TPTE2: variants seen among roughly 807,000 people sequenced by gnomAD.
TPTE2 encodes transmembrane phosphoinositide 3-phosphatase and tensin homolog 2, also known as phosphatidylinositol 3,4,5-trisphosphate 3-phosphatase TPTE2.
A neutral mutation model predicts 78.6 loss-of-function variants in TPTE2; 53 were observed. The observed-to-expected ratio is 0.67, with a 90% confidence interval of 0.54 to 0.85. The LOEUF is 0.85. Ranked by LOEUF, TPTE2 falls within the 40% of genes least tolerant of loss-of-function variation. TPTE2 has a pLI of 0.00. For synonymous variants in TPTE2, 175 were observed against 206.2 expected (o/e 0.85, Z 1.30); for missense variants, 461 against 623.0 (o/e 0.74, Z 2.77).
chr13:19,475,258 C>G (rs1879865681), intron 5 of TPTE2, among the ~76,000 whole-genome samples: 1 of 150,236 alleles, frequency 6.7e-6, no homozygotes, highest in South Asian at 2.1e-4. Flanking sequence ...TGGAGTCTTG[C>G]TGTGTCGCCA....
chr13:19,514,638 TGA>T (rs372029297), intron 1 of TPTE2, among the ~76,000 whole-genome samples: 3 of 149,306 alleles, frequency 2.0e-5, no homozygotes, highest in Non-Finnish European at 3.0e-5. Context: ...TGTCTGTGTG[TGA>T]GAGAGAGAGA....
intron 5 of TPTE2, among the ~76,000 whole-genome samples, chr13:19,474,669 G>A (rs1422346847): frequency 6.6e-6 from 1 of 152,176 alleles, no homozygotes; most frequent in Non-Finnish European, 1.5e-5. Flanking sequence ...GCCACTTGCT[G>A]TTACATATTC....
At chr13:19,561,179 C>G in the TPTE2 span, 4 of 1,566,250 alleles carry the variant, frequency 2.6e-6, no homozygotes, top group South Asian at 2.3e-5. Context: ...TCTCTGTCTC[C>G]GAGGAGCCCT....
intron 17 of TPTE2, among the ~76,000 whole-genome samples, chr13:19,428,450 G>GA (rs1006670472): frequency 1.3e-5 from 2 of 150,974 alleles, no homozygotes; most frequent in Non-Finnish European, 3.0e-5. Flanking sequence ...CTCCATCTCA[G>GA]AAAAAAAAGA....
At chr13:19,544,767 A>C in the TPTE2 span, among the ~76,000 whole-genome samples, 3 of 152,136 alleles carry the variant, frequency 2.0e-5, no homozygotes, top group Non-Finnish European at 4.4e-5. Context: ...GCATGGTGGC[A>C]TGCGCCTGTC....
chr13:19,454,226 C>T lies in TPTE2; in HGVS notation c.742-3001G>A, dbSNP rs542859684. Among the ~76,000 whole-genome samples the T allele has an allele frequency of 3.9e-5, 6 of 152,272 alleles. No homozygotes were observed. In the South Asian group the frequency reaches 1.2e-3, roughly 32 times the overall value. ...TTGTAATGTCTGCTTTGCTCATTCG[C>T]TGTTGTTCAAAATGTAACCCTGCAA... On this transcript the variant is annotated intron_variant, in intron 10 of 19. Coordinates refer to ENST00000400230, the Ensembl canonical transcript of TPTE2.
chr13:19,435,493 T>C (rs1240179954), intron 15 of TPTE2, among the ~76,000 whole-genome samples: 2 of 152,208 alleles, frequency 1.3e-5, no homozygotes, highest in South Asian at 2.1e-4. Context: ...CCGGCTGAAA[T>C]GACTGTTGCA....
At chr13:19,462,312 C>T (rs1191262923) in intron 10 of TPTE2, among the ~76,000 whole-genome samples, 2 of 151,938 alleles carry the variant, frequency 1.3e-5, no homozygotes, top group African/African-American at 2.4e-5. Flanking sequence ...TCAGTTTTTG[C>T]TTGTCTAGGA....
intron 11 of TPTE2, among the ~76,000 whole-genome samples, 160 bp from the exon 15 acceptor site, chr13:19,450,504 A>G (rs915152027): frequency 6.6e-5 from 10 of 152,228 alleles, no homozygotes; most frequent in Non-Finnish European, 1.3e-4. Context: ...AAGCATTTCA[A>G]AAACGTAAGG....
At chr13:19,493,544 T>C in intron 1 of TPTE2, 43 bp from the exon 5 acceptor site, 1 of 1,592,482 alleles carries the variant, frequency 6.3e-7, no homozygotes, top group Non-Finnish European at 8.6e-7. Flanking sequence ...GAGACATAAT[T>C]CTGAATTTAT....
rs774235153 is a variant in TPTE2 at position 19,438,167 on chromosome 13, G to A, written c.974-14C>T. 8.7e-6 allele frequency: 14 copies of A among 1,606,720 alleles called. No individual in the cohort carries two copies. In the East Asian group the frequency reaches 1.8e-4, roughly 21 times the overall value. On this transcript the variant is annotated splice_polypyrimidine_tract_variant and intron_variant, in intron 13 of 19. Coordinates refer to ENST00000400230, the Ensembl canonical transcript of TPTE2. ...TCCCGGTTCTTCCTAGAAAAGAAAA[G>A]AAGTTAGTTCAAGAACATACATGGT... is the stretch of plus-strand genomic sequence containing the variant.
At chr13:19,557,948 G>A in the TPTE2 span, among the ~76,000 whole-genome samples, 263 of 151,992 alleles carry the variant, frequency 1.7e-3, no homozygotes, top group African/African-American at 6.1e-3. Context: ...AAATCTTAAG[G>A]CAGAAGTAAA....
At chr13:19,495,656 G>T (rs1041852621) in intron 1 of TPTE2, among the ~76,000 whole-genome samples, 13 of 152,180 alleles carry the variant, frequency 8.5e-5, no homozygotes, top group African/African-American at 3.1e-4. Context: ...GTATGTGTTT[G>T]TATATGCATA....
chr13:19,427,995 T>C (rs1470448646), intron 17 of TPTE2, among the ~76,000 whole-genome samples: 1 of 152,216 alleles, frequency 6.6e-6, no homozygotes, highest in African/African-American at 2.4e-5. Context: ...TGTTATGTAC[T>C]ACTGGGGGCT....
At chr13:19,516,848 G>C (rs1869826247) in intron 1 of TPTE2, among the ~76,000 whole-genome samples, 1 of 151,916 alleles carries the variant, frequency 6.6e-6, no homozygotes. Context: ...AATGAGGCTT[G>C]GTTTGTTTTT....
rs1312067181 is a variant in TPTE2 at position 19,508,971 on chromosome 13, G to A, written c.-43-5694C>T. Among the ~76,000 whole-genome samples the A allele has an allele frequency of 3.3e-5, 5 of 152,068 alleles. No individual in the cohort carries two copies. The East Asian group carries it at 9.6e-4, about 29-fold the overall frequency. On this transcript the variant is annotated intron_variant, in intron 1 of 17. Transcript: ENST00000390680. ...GATCAATATCATATTGCTGTTCTCTGAATATATTGTAATATGATTAGCTTT... is the reference window on the plus strand; with the variant it reads ...GATCAATATCATATTGCTGTTCTCTAAATATATTGTAATATGATTAGCTTT...
upstream of TPTE2, among the ~76,000 whole-genome samples, chr13:19,506,453 G>A (rs1184273984): frequency 3.9e-5 from 6 of 152,024 alleles, no homozygotes; most frequent in African/African-American, 4.8e-5. Context: ...GATTACAGGC[G>A]TGAGCCACCG....
intron 3 of TPTE2, among the ~76,000 whole-genome samples, chr13:19,491,809 C>T (rs1198356662): frequency 5.3e-5 from 8 of 151,990 alleles, no homozygotes; most frequent in Admixed American, 2.6e-4. Context: ...TGGGCAACAG[C>T]GAGACTTCAT....
intron 10 of TPTE2, among the ~76,000 whole-genome samples, chr13:19,459,552 G>A (rs187345303): frequency 0.02 from 3,097 of 152,262 alleles, 108 homozygotes; most frequent in African/African-American, 0.071. Context: ...TTCCTCCTCC[G>A]GACCACCTGT....
Sources: gnomAD v4.1 joint callset for allele counts (sites outside exome capture counted in the v4.1 genomes callset) on GRCh38, gnomAD v4.1.1 for gene constraint, MANE v1.5 for transcripts, NCBI Gene and HGNC (gene_info 2026-07-23, HGNC 2026-07-21) for gene names.